Variants in MPPE1 observed in about 807,000 individuals in gnomAD.
MPPE1 encodes the protein metallophosphoesterase 1, also known as metallo phosphoesterase.
A neutral mutation model predicts 43.8 loss-of-function variants in MPPE1; 28 were observed. That is an observed-to-expected ratio of 0.64 (90% CI 0.47 to 0.88). The LOEUF is 0.88. MPPE1 is among the 40% of genes least tolerant of loss of function. The pLI is 0.00. For missense variants in MPPE1, 428 were observed against 492.2 expected (o/e 0.87, Z 1.23); for synonymous variants, 159 against 188.5 (o/e 0.84, Z 1.28).
At chr18:11,885,473 C>G in intron 10 of MPPE1, 1 of 628,082 alleles carries the variant, frequency 1.6e-6, no homozygotes, top group Non-Finnish European at 2.7e-6. Context: ...TCGCTTCTCA[C>G]ATTAACTGCC....
intron 2 of MPPE1, chr18:11,905,816 C>G (rs1353090582): frequency 6.6e-6 from 1 of 152,130 alleles, no homozygotes; most frequent in Admixed American, 6.6e-5. Flanking sequence ...TTTTATCTTG[C>G]ATGCTGTGAA....
At position 11,902,885 on chromosome 18, in the gene MPPE1, T is replaced by C. The variant is rs115902929; in HGVS notation, c.-93+3318A>G. The C allele has an allele frequency of 9.3e-3, 1,422 of 152,378 alleles. 15 individuals carry two copies. Among genetic ancestry groups the C allele is most frequent in the East Asian group, 0.041 (215 of 5,186 alleles). 9.4% of individuals were successfully genotyped at this position (152,378 alleles called of 1,614,324 possible). A position where few individuals can be genotyped will look rare whatever the true frequency, so the allele number is the denominator to read the frequency against. On this transcript the variant is annotated intron_variant, in intron 2 of 10. Transcript: ENST00000588072. ...GATGAAGAGAGCAGGACAGAGGACA[T>C]AGAGACAGCCTGTGGGTTTGCACTT...
rs1180551711 is a variant in MPPE1, at chr18:11,882,980, T to TAAAG, written c.*1461_*1464dup. The stretch of plus-strand genomic sequence containing the variant: ...TTTGTAGGTCTAAAATAATAATCTA[T>TAAAG]AAAGATGTCCAAAGTTAAATTTTCA... On this transcript the variant is annotated 3_prime_UTR_variant, in exon 11 of 11. Transcript: ENST00000588072. The TAAAG allele has an allele frequency of 1.3e-5, 2 of 151,866 alleles. No individual in the cohort carries two copies. Among genetic ancestry groups the TAAAG allele is most frequent in the Non-Finnish European group, 2.9e-5 (2 of 67,946 alleles). The allele number at this position is 151,866 out of a possible 1,614,324, so 9.4% of individuals were successfully genotyped here.
chr18:11,905,473 G>C (rs1428822919), intron 2 of MPPE1: 1 of 152,192 alleles, frequency 6.6e-6, no homozygotes, highest in Non-Finnish European at 1.5e-5. Context: ...AATGAAGACA[G>C]AATAACTTGT....
chr18:11,884,707 G>A lies in MPPE1; in HGVS notation c.1009-80C>T. 2.1e-6 allele frequency: 3 copies of A among 1,461,912 alleles called. No homozygotes were observed. In the South Asian group the frequency reaches 3.7e-5, roughly 18 times the overall value. The allele number at this position is 1,461,912 out of a possible 1,614,324, so 90.6% of individuals were successfully genotyped here. A position where few individuals can be genotyped will look rare whatever the true frequency, so the allele number is the denominator to read the frequency against. Reference sequence around the variant, plus strand: ...GCAGTCTTAGAAACAGCAGAGGGAAGACTGCCTTCTCAGGTCCCCCTCAGG... The same window carrying A: ...GCAGTCTTAGAAACAGCAGAGGGAAAACTGCCTTCTCAGGTCCCCCTCAGG... On this transcript the variant is annotated intron_variant, in intron 10 of 10. Coordinates refer to ENST00000588072, the MANE Select transcript of MPPE1 (RefSeq NM_023075.6).
At chr18:11,887,552 C>T (rs1026119258) in intron 6 of MPPE1, among the ~76,000 whole-genome samples, 8 of 152,098 alleles carry the variant, frequency 5.3e-5, no homozygotes, top group Admixed American at 3.3e-4. Context: ...GGTAGGGTGC[C>T]GGTTAGAGCT....
chr18:11,906,012 T>C (rs1029230027), intron 2 of MPPE1, 191 bp downstream of exon 2: 1 of 152,150 alleles, frequency 6.6e-6, no homozygotes, highest in African/African-American at 2.4e-5. Flanking sequence ...CAAAATTTCT[T>C]AAAGTGTTAC....
At position 11,885,941 on chromosome 18, in the gene MPPE1, G is replaced by A. The variant is rs931877254; in HGVS notation, c.868-125C>T. ...AAATTACATACTAAATCCTTATTTT[G>A]AAGGACTGGTTTATTTTTTTCCTTA... On this transcript the variant is annotated intron_variant, in intron 9 of 10. Transcript: ENST00000588072. The A allele has an allele frequency of 7.2e-5, 69 of 955,522 alleles. No homozygotes were observed. The East Asian group carries it at 2.0e-3, about 28-fold the overall frequency. The allele number at this position is 955,522 out of a possible 1,614,324, so 59.2% of individuals were successfully genotyped here. A position where few individuals can be genotyped will look rare whatever the true frequency, so the allele number is the denominator to read the frequency against.
chr18:11,900,538 T>C (rs1038662270), intron 2 of MPPE1, among the ~76,000 whole-genome samples: 3 of 151,700 alleles, frequency 2.0e-5, no homozygotes, highest in Non-Finnish European at 4.4e-5. Flanking sequence ...CCCCATTCCC[T>C]ATAAGAGTCC....
Position 11,885,700 on chromosome 18 carries a change from GTT to G in MPPE1, c.982_983del (p.Asn328GlnfsTer10). On this transcript the variant is annotated frameshift_variant, in exon 10 of 11. Coordinates refer to ENST00000588072, the MANE Select transcript of MPPE1 (RefSeq NM_023075.6). LOFTEE classifies it low-confidence loss of function (END_TRUNC). ...CCATGATGAAACTGGGGTTGTTTCT[GTT>G]CCTCCAACTGAAAGATGGGACGCTG... ...ELSVPSFSWR[N>X]RNNPSFIMGS... 6.2e-7 allele frequency: 1 copy of G among 1,613,654 alleles called. No individual in the cohort carries two copies. The highest frequency in any genetic ancestry group is 2.2e-5 in the East Asian group (1 of 44,864).
chr18:11,900,830 C>T (rs991777124), intron 2 of MPPE1, among the ~76,000 whole-genome samples: 1 of 150,956 alleles, frequency 6.6e-6, no homozygotes, highest in East Asian at 1.9e-4. Flanking sequence ...TGGCGTGAAC[C>T]CAGGAGGCAA....
Position 11,888,684 on chromosome 18 carries a change from G to A in MPPE1, c.554C>T (p.Ser185Phe). 1 of 1,599,964 alleles carries A rather than the reference G, an allele frequency of 6.3e-7. No individual in the cohort carries two copies. The highest frequency in any genetic ancestry group is 8.5e-7 in the Non-Finnish European group (1 of 1,173,904). The change falls in exon 6 of 11, where the codon TCT becomes TTT. Residue 185 changes from serine (S) to phenylalanine (F), a missense_variant. Physicochemically the swap from Ser to Phe is radical, Grantham distance 155. Coordinates refer to ENST00000588072, the MANE Select transcript of MPPE1 (RefSeq NM_023075.6). ...EKVFSSERLF[S>F]WKGINFVMVN... Reference sequence around the variant, plus strand: ...TAATACTCACTTAATGCCTTTCCAAGAAAACAGTCTTTCAGAGCTGAACAC... The same window carrying A: ...TAATACTCACTTAATGCCTTTCCAAAAAAACAGTCTTTCAGAGCTGAACAC...
At chr18:11,892,054 A>C (rs530952981) in intron 4 of MPPE1, among the ~76,000 whole-genome samples, 1 of 152,130 alleles carries the variant, frequency 6.6e-6, no homozygotes, top group Non-Finnish European at 1.5e-5. Flanking sequence ...CCTGCCTTGG[A>C]CTAGGTCTGG....
At chr18:11,890,473 C>T (rs2037879413) in intron 4 of MPPE1, among the ~76,000 whole-genome samples, 1 of 151,910 alleles carries the variant, frequency 6.6e-6, no homozygotes, top group Non-Finnish European at 1.5e-5. Context: ...CCATGCCCAG[C>T]TAATTTTTGT....
intron 4 of MPPE1, among the ~76,000 whole-genome samples, chr18:11,892,394 G>T (rs1327426517): frequency 6.6e-6 from 1 of 151,232 alleles, no homozygotes; most frequent in African/African-American, 2.4e-5. Context: ...GAAAGGGCAG[G>T]CACGGTGGCT....
intron 2 of MPPE1, 68 bp downstream of exon 2, chr18:11,906,135 G>A (rs2039693233): frequency 6.6e-6 from 1 of 152,176 alleles, no homozygotes; most frequent in South Asian, 2.1e-4. Flanking sequence ...AGGATGGAAA[G>A]GCAGAGATGC....
chr18:11,901,775 G>A (rs1193931230), intron 2 of MPPE1, among the ~76,000 whole-genome samples: 1 of 152,086 alleles, frequency 6.6e-6, no homozygotes, highest in African/African-American at 2.4e-5. Context: ...GGAGGTGGAG[G>A]TTGCAGTGAG....
chr18:11,884,652 G>A (rs1368340197), intron 10 of MPPE1, 25 bp from the exon 11 acceptor site: 2 of 1,608,170 alleles, frequency 1.2e-6, no homozygotes, highest in African/African-American at 2.7e-5. Context: ...GGAAAGTTAT[G>A]CTGAGAGCAC....
intron 9 of MPPE1, 52 bp from the exon 10 acceptor site, chr18:11,885,868 A>G: frequency 6.5e-7 from 1 of 1,535,956 alleles, no homozygotes. Flanking sequence ...ATCCTCAACC[A>G]GGCTCTCACC....
Sources: gnomAD v4.1 joint callset for allele counts (sites outside exome capture counted in the v4.1 genomes callset) on GRCh38, gnomAD v4.1.1 for gene constraint, MANE v1.5 for transcripts, NCBI Gene and HGNC (gene_info 2026-07-23, HGNC 2026-07-21) for gene names.